The following APLF variants were observed in gnomAD, a reference collection of about 807,000 sequenced individuals.
APLF encodes the protein aprataxin and PNK-like factor.
APLF carries 61 observed loss-of-function variants against 55.6 expected under a neutral mutation model. The ratio of observed to expected loss-of-function variants is 1.10; its 90% CI spans 0.89 to 1.36. The LOEUF (loss-of-function observed/expected upper bound fraction) is 1.36, where lower values mean the gene tolerates loss of function less well. Ranked by LOEUF, APLF falls within the 40% of genes most tolerant of loss-of-function variation. The pLI is 0.00. For synonymous variants in APLF, 207 were observed against 214.8 expected (o/e 0.96, Z 0.32); for missense variants, 611 against 602.5 (o/e 1.01, Z -0.15).
At chr2:68,487,362 A>T (rs532669797) in intron 1 of APLF, among the ~76,000 whole-genome samples, 16 of 152,280 alleles carry the variant, frequency 1.1e-4, no homozygotes, top group Admixed American at 2.6e-4. Context: ...CGTTAAGAGC[A>T]TGAATGGTTC....
chr2:68,574,059 C>T (rs1671556316), intron 9 of APLF, among the ~76,000 whole-genome samples: 1 of 147,874 alleles, frequency 6.8e-6, no homozygotes. Flanking sequence ...TTTACCTGGA[C>T]TTAGAAGTGT....
chr2:68,496,971 G>T (rs558077110), intron 2 of APLF, among the ~76,000 whole-genome samples: 7 of 152,276 alleles, frequency 4.6e-5, no homozygotes, highest in African/African-American at 1.7e-4. Flanking sequence ...CTGTTAGGGA[G>T]TTCTGAAGTC....
At chr2:68,485,388 T>C (rs1182394214) in intron 1 of APLF, among the ~76,000 whole-genome samples, 1 of 152,178 alleles carries the variant, frequency 6.6e-6, no homozygotes, top group African/African-American at 2.4e-5. Flanking sequence ...GTTGAAAATA[T>C]TAAGTAGGTG....
intron 5 of APLF, among the ~76,000 whole-genome samples, chr2:68,519,372 C>T (rs1669822443): frequency 6.8e-6 from 1 of 147,554 alleles, no homozygotes; most frequent in Admixed American, 6.9e-5. Context: ...GGTACATCTA[C>T]CAAGTGAAAG....
chr2:68,563,537 C>T (rs1671219938), intron 8 of APLF, among the ~76,000 whole-genome samples: 1 of 152,020 alleles, frequency 6.6e-6, no homozygotes, highest in Admixed American at 6.6e-5. Context: ...GATACTCTGT[C>T]TTCACTTTCT....
At position 68,498,300 on chromosome 2, in the gene APLF, A is replaced by G. The variant is rs529414263; in HGVS notation, c.169-4431A>G. Among the ~76,000 whole-genome samples the G allele has an allele frequency of 2.3e-3, 343 of 152,346 alleles. 2 individuals are homozygous for G. The highest frequency in any genetic ancestry group is 7.8e-3 in the African/African-American group (326 of 41,590). On this transcript the variant is annotated intron_variant, in intron 2 of 9. Transcript: ENST00000303795. The stretch of plus-strand genomic sequence containing the variant: ...TAAAAATCTTTGTAAAATTACATAA[A>G]TGAATATGGCAAATGTTTTGTTATG...
At chr2:68,562,310 C>G (rs1671191355) in intron 8 of APLF, among the ~76,000 whole-genome samples, 2 of 151,974 alleles carry the variant, frequency 1.3e-5, no homozygotes, top group South Asian at 4.1e-4. Context: ...TAATTTAAAA[C>G]ATGTTTTTGA....
chr2:68,557,835 C>T (rs1671056594), intron 8 of APLF, among the ~76,000 whole-genome samples: 3 of 151,360 alleles, frequency 2.0e-5, no homozygotes, highest in South Asian at 2.1e-4. Flanking sequence ...CACTTGAACC[C>T]GGGAGGTGGA....
At chr2:68,523,499 A>G (rs768320970) in intron 5 of APLF, among the ~76,000 whole-genome samples, 1 of 151,966 alleles carries the variant, frequency 6.6e-6, no homozygotes, top group Non-Finnish European at 1.5e-5. Context: ...ATGCATATGT[A>G]TTTGTAGATA....
chr2:68,502,857 C>G lies in APLF; in HGVS notation c.295C>G (p.Arg99Gly), dbSNP rs200032355. ...TTTGTTAGTTGACAAATACATTTTC[C>G]GCATTCTCTCTATACCCTCTGAAGT... Reference protein sequence around the residue: ...FSLLVDKYIFRILSIPSEVEM... With the variant: ...FSLLVDKYIFGILSIPSEVEM... The change falls in exon 3 of 10, where the codon CGC becomes GGC. Residue 99 changes from arginine to glycine, a missense_variant. Physicochemically the swap from Arg to Gly is moderately radical, Grantham distance 125. Transcript: ENST00000303795. 6.2e-7 allele frequency: 1 copy of G among 1,606,260 alleles called. No homozygotes were observed. Among genetic ancestry groups the G allele is most frequent in the Admixed American group, 1.7e-5 (1 of 58,200 alleles).
intron 5 of APLF, chr2:68,515,465 C>A: frequency 1.9e-6 from 1 of 519,320 alleles, no homozygotes; most frequent in Non-Finnish European, 2.5e-6. Flanking sequence ...GTGAGCTGGT[C>A]CCTGCAAACA....
intron 8 of APLF, among the ~76,000 whole-genome samples, chr2:68,552,663 G>A (rs1670897890): frequency 6.6e-6 from 1 of 151,898 alleles, no homozygotes; most frequent in African/African-American, 2.4e-5. Context: ...TTCTTCAGAA[G>A]AATAAAAACA....
Position 68,516,311 on chromosome 2 carries a change from G to A in APLF, c.622+2631G>A, listed in dbSNP as rs114358177. On this transcript the variant is annotated intron_variant, in intron 5 of 9. Transcript: ENST00000303795. ...TTTGCCTTTTTTGATCTGCCCTTGCGATCTCTCCTGGATCATCTCTCAGTT... is the reference window on the plus strand; with the variant it reads ...TTTGCCTTTTTTGATCTGCCCTTGCAATCTCTCCTGGATCATCTCTCAGTT... Among the ~76,000 whole-genome samples, 1,194 of 151,534 alleles carry A rather than the reference G, an allele frequency of 7.9e-3. 18 individuals are homozygous for A. Among genetic ancestry groups the A allele is most frequent in the African/African-American group, 0.027 (1,103 of 41,396 alleles).
At chr2:68,503,236 T>A (rs1056856748) in intron 3 of APLF, among the ~76,000 whole-genome samples, 10 of 152,174 alleles carry the variant, frequency 6.6e-5, no homozygotes, top group African/African-American at 2.4e-4. Flanking sequence ...TTGACTACCT[T>A]TTCCTCATTT....
intron 2 of APLF, among the ~76,000 whole-genome samples, chr2:68,499,936 C>G (rs1676671571): frequency 6.6e-6 from 1 of 152,154 alleles, no homozygotes; most frequent in African/African-American, 2.4e-5. Flanking sequence ...AGGTAATTGT[C>G]TCTTTTGGCC....
At chr2:68,475,682 C>T (rs1675748823) in intron 1 of APLF, among the ~76,000 whole-genome samples, 1 of 152,110 alleles carries the variant, frequency 6.6e-6, no homozygotes, top group African/African-American at 2.4e-5. Flanking sequence ...ACGATAATGT[C>T]AAACATCTTA....
At chr2:68,536,196 A>G (rs1670380672) in intron 6 of APLF, among the ~76,000 whole-genome samples, 1 of 152,110 alleles carries the variant, frequency 6.6e-6, no homozygotes. Context: ...CAAAGAGCGT[A>G]TGTTTTAGAG....
chr2:68,499,569 T>C (rs1676659117), intron 2 of APLF, among the ~76,000 whole-genome samples: 1 of 152,212 alleles, frequency 6.6e-6, no homozygotes, highest in Non-Finnish European at 1.5e-5. Flanking sequence ...CCAGGTGCAG[T>C]GGCTCACACT....
intron 9 of APLF, among the ~76,000 whole-genome samples, chr2:68,574,548 G>A (rs1671569927): frequency 6.6e-6 from 1 of 152,140 alleles, no homozygotes; most frequent in South Asian, 2.1e-4. Flanking sequence ...GAGTTAAGGT[G>A]GATTACATTT....
Sources: allele counts gnomAD v4.1 joint callset (sites outside exome capture counted in the v4.1 genomes callset), GRCh38; gene constraint gnomAD v4.1.1; transcripts MANE v1.5; gene names NCBI Gene and HGNC (gene_info 2026-07-23, HGNC 2026-07-21).